The following NFIX variants were observed in gnomAD, a reference collection of about 807,000 sequenced individuals.
NFIX encodes the protein nuclear factor I X, also known as nuclear factor 1 X-type.
In NFIX, 2 loss-of-function variants were observed where a neutral mutation model predicts 53.3. That is an observed-to-expected ratio of 0.04 (90% CI 0.02 to 0.12). NFIX has a LOEUF of 0.12. Ranked by LOEUF, NFIX falls within the 10% of genes least tolerant of loss-of-function variation. NFIX has a pLI of 1.00. For synonymous variants in NFIX, 244 were observed against 289.0 expected (o/e 0.84, Z 1.58); for missense variants, 310 against 674.5 (o/e 0.46, Z 5.99).
At chr19:12,995,979 G>A (rs1038725195) in intron 1 of NFIX, 115 bp downstream of exon 1, 8 of 294,410 alleles carry the variant, frequency 2.7e-5, no homozygotes, top group African/African-American at 1.8e-4. Flanking sequence ...AGAGCCCGCG[G>A]GCCGCCGAGG....
At chr19:13,024,104 G>T in intron 1 of NFIX, 1 of 422,782 alleles carries the variant, frequency 2.4e-6, no homozygotes. Flanking sequence ...CTTCAAACAA[G>T]CAAACAACCA....
At chr19:13,087,288 CA>C (rs1262328433) in intron 8 of NFIX, among the ~76,000 whole-genome samples, 2 of 152,216 alleles carry the variant, frequency 1.3e-5, no homozygotes, top group African/African-American at 4.8e-5. Flanking sequence ...GGCAGCCGAG[CA>C]TCCATGGCGT....
intron 2 of NFIX, among the ~76,000 whole-genome samples, chr19:13,039,007 G>T (rs1196683537): frequency 6.6e-6 from 1 of 152,192 alleles, no homozygotes; most frequent in Non-Finnish European, 1.5e-5. Flanking sequence ...GTGGGGAACA[G>T]TGCTGGCTCC....
rs1356822781 is a variant in NFIX at position 13,093,245 on chromosome 19, A to T, written c.1495-1390A>T. The stretch of plus-strand genomic sequence containing the variant: ...CCATTGTCACAGAAAGTGCTAGATG[A>T]TCTCCAAGGCCCTTTCTGAAACTCA... On this transcript the variant is annotated intron_variant, in intron 10 of 10. Coordinates refer to ENST00000592199, the MANE Select transcript of NFIX (RefSeq NM_001365902.3). The surrounding 1 kb of genome is among the most constrained non-coding windows in gnomAD (Gnocchi z 4.7). Among the ~76,000 whole-genome samples the T allele has an allele frequency of 6.6e-6, 1 of 152,236 alleles. No homozygotes were observed. Among genetic ancestry groups the T allele is most frequent in the Admixed American group, 6.5e-5 (1 of 15,282 alleles).
chr19:13,091,248 G>A (rs2018117332), intron 10 of NFIX, among the ~76,000 whole-genome samples: 1 of 152,076 alleles, frequency 6.6e-6, no homozygotes, highest in Admixed American at 6.5e-5. Context: ...CCTCAGCCCG[G>A]GGAAATCCAC....
chr19:13,055,287 C>G (rs1449397851), intron 2 of NFIX, among the ~76,000 whole-genome samples: 1 of 141,380 alleles, frequency 7.1e-6, no homozygotes, highest in Non-Finnish European at 1.5e-5. Context: ...CTTCAGATTG[C>G]TAAGCTTCCC....
rs535458541 is a variant in NFIX, at chr19:13,024,569, G to C, written c.28-452G>C. Reference sequence around the variant, plus strand: ...CGCACGCCCCCGCGTGTGCGTCCACGGGCGTCTGTGCAGACGGACACTGTG... The same window carrying C: ...CGCACGCCCCCGCGTGTGCGTCCACCGGCGTCTGTGCAGACGGACACTGTG... On this transcript the variant is annotated intron_variant, in intron 1 of 10. Transcript: ENST00000592199. 2.0e-6 allele frequency: 3 copies of C among 1,534,542 alleles called. No individual in the cohort carries two copies. In the African/African-American group the frequency reaches 4.1e-5, roughly 21 times the overall value.
chr19:13,001,365 C>A lies in NFIX; in HGVS notation c.27+5501C>A, dbSNP rs1043701155. ...ACCTGCATGTGACTCCACGGATCAT[C>A]GCACGCCCTGTCTCTTGTGTATTTG... On this transcript the variant is annotated intron_variant, in intron 1 of 10. Coordinates refer to ENST00000592199, the MANE Select transcript of NFIX (RefSeq NM_001365902.3). This position sits in a 1 kb window ranked among gnomAD's most constrained non-coding sequence, Gnocchi z 6.5. Among the ~76,000 whole-genome samples, 3 of 152,124 alleles carry A rather than the reference C, an allele frequency of 2.0e-5. No homozygotes were observed. The highest frequency in any genetic ancestry group is 1.3e-4 in the Admixed American group (2 of 15,272).
chr19:13,024,562 C>T, intron 1 of NFIX: 6 of 1,531,284 alleles, frequency 3.9e-6, no homozygotes, highest in Non-Finnish European at 5.2e-6. Flanking sequence ...CCCGCGTGTG[C>T]GTCCACGGGC....
intron 6 of NFIX, among the ~76,000 whole-genome samples, chr19:13,076,480 G>C (rs538445467): frequency 1.3e-3 from 196 of 152,332 alleles, no homozygotes; most frequent in Non-Finnish European, 1.4e-3. Flanking sequence ...ATGTGCATGA[G>C]CACATGTGTG....
chr19:13,065,150 C>G (rs2016325302), intron 2 of NFIX, among the ~76,000 whole-genome samples: 3 of 152,142 alleles, frequency 2.0e-5, no homozygotes, highest in African/African-American at 7.2e-5. Context: ...GCAAGGCCAG[C>G]TCACCCAGGA....
intron 2 of NFIX, among the ~76,000 whole-genome samples, chr19:13,034,307 C>T (rs947607403): frequency 2.6e-5 from 4 of 152,236 alleles, no homozygotes; most frequent in Non-Finnish European, 5.9e-5. Context: ...TGGCCCTGTC[C>T]TGACACTGGC....
chr19:13,095,934 G>A lies in NFIX; in HGVS notation c.*1285G>A, dbSNP rs1027259668. ...TTCATTGTTTGGGTCTTTTGCTGTT[G>A]GAATGGGAACTCCTCCTCCATTTGA... On this transcript the variant is annotated 3_prime_UTR_variant, in exon 11 of 11. Transcript: ENST00000592199. 1.3e-5 allele frequency: 2 copies of A among 149,714 alleles called. No homozygotes were observed. The highest frequency in any genetic ancestry group is 2.9e-5 in the Non-Finnish European group (2 of 67,806). The allele number at this position is 149,714 out of a possible 1,614,324, so 9.3% of individuals were successfully genotyped here.
At chr19:12,995,992 T>G in intron 1 of NFIX, 128 bp downstream of exon 1, 1 of 240,720 alleles carries the variant, frequency 4.2e-6, no homozygotes, top group Non-Finnish European at 6.6e-6. Flanking sequence ...CGCCGAGGGG[T>G]GCAGGCTGTG....
At chr19:13,039,550 G>A (rs2145259091) in intron 2 of NFIX, among the ~76,000 whole-genome samples, 1 of 152,174 alleles carries the variant, frequency 6.6e-6, no homozygotes, top group East Asian at 1.9e-4. Flanking sequence ...CCCTGGGAGA[G>A]GCAGTGCATC....
rs528264186 is a variant in NFIX at position 13,007,082 on chromosome 19, C to T, written c.27+11218C>T. Among the ~76,000 whole-genome samples the T allele has an allele frequency of 3.3e-5, 5 of 152,312 alleles. No homozygotes were observed. The East Asian group carries it at 9.7e-4, about 29-fold the overall frequency. Reference sequence around the variant, plus strand: ...TGCAGCCTGGAGCTCAGCAAGGATGCCCGCCTGGCTTCCATCTTCCCGGTT... The same window carrying T: ...TGCAGCCTGGAGCTCAGCAAGGATGTCCGCCTGGCTTCCATCTTCCCGGTT... On this transcript the variant is annotated intron_variant, in intron 1 of 10. Transcript: ENST00000592199.
At chr19:13,056,790 A>C (rs1240835205) in intron 2 of NFIX, among the ~76,000 whole-genome samples, 1 of 152,238 alleles carries the variant, frequency 6.6e-6, no homozygotes, top group Non-Finnish European at 1.5e-5. Flanking sequence ...AAAAATTAAG[A>C]ATTTCAAGAC....
chr19:13,018,348 G>GGC (rs2012782958), intron 1 of NFIX, among the ~76,000 whole-genome samples: 1 of 117,568 alleles, frequency 8.5e-6, no homozygotes, highest in African/African-American at 2.9e-5. Flanking sequence ...GGGGGGGGGG[G>GGC]GGGCGCGGTT....
Position 13,024,967 on chromosome 19 carries a change from T to TTCCCCTCCTCCCGTCC in NFIX, c.28-49_28-34dup. On this transcript the variant is annotated intron_variant, in intron 1 of 10. Coordinates refer to ENST00000592199, the MANE Select transcript of NFIX (RefSeq NM_001365902.3). ...TTCTCTCTTTCCCCCTCATCCCGTC[T>TTCCCCTCCTCCCGTCC]TCCCCTCCTCCCGTCCTCCCTCGCC... 11 of 1,551,540 alleles carry TTCCCCTCCTCCCGTCC rather than the reference T, an allele frequency of 7.1e-6. No individual in the cohort carries two copies. In the South Asian group the frequency reaches 1.3e-4, roughly 18 times the overall value.
Sources: gnomAD v4.1 joint callset for allele counts (sites outside exome capture counted in the v4.1 genomes callset) on GRCh38, gnomAD v4.1.1 for gene constraint, Gnocchi (gnomAD v3.1) non-coding constraint, MANE v1.5 for transcripts, NCBI Gene and HGNC (gene_info 2026-07-23, HGNC 2026-07-21) for gene names.